Variants in USP37 observed in about 807,000 individuals in gnomAD.
USP37 encodes ubiquitin specific peptidase 37, also known as ubiquitin carboxyl-terminal hydrolase 37.
In USP37, 27 loss-of-function variants were observed where a neutral mutation model predicts 124.0. The observed-to-expected ratio is 0.22, with a 90% CI of 0.16 to 0.30. USP37 has a LOEUF of 0.30. USP37 is among the 10% of genes least tolerant of loss of function. The probability of loss-of-function intolerance (pLI) is 1.00; values close to 1 mark genes in which losing one functional copy is unlikely to be tolerated. For missense variants in USP37, 889 were observed against 1,140.4 expected (o/e 0.78, Z 3.17); for synonymous variants, 365 against 388.0 (o/e 0.94, Z 0.70).
At chr2:218,481,283 T>C (rs1254907153) in intron 17 of USP37, among the ~76,000 whole-genome samples, 1 of 152,228 alleles carries the variant, frequency 6.6e-6, no homozygotes. Flanking sequence ...GCTGATAATA[T>C]ATGCATGAAG....
At position 218,552,607 on chromosome 2, in the gene USP37, G is replaced by A. The variant is rs573407041; in HGVS notation, c.328+946C>T. ...GTCTCAAAAAAAAGAAAAAGAAAAA[G>A]AGAAAAGAAAAGAAAAGAAAAAGTG... On this transcript the variant is annotated intron_variant, in intron 5 of 25. Coordinates refer to ENST00000258399, the MANE Select transcript of USP37 (RefSeq NM_020935.3). 8.7e-5 allele frequency among the ~76,000 whole-genome samples: 13 copies of A among 150,030 alleles called. No individual in the cohort carries two copies. In the East Asian group the frequency reaches 2.6e-3, roughly 30 times the overall value.
rs1690127819 is a variant in USP37, at chr2:218,463,289, T to C, written c.2527+17A>G. 6.2e-7 allele frequency: 1 copy of C among 1,611,314 alleles called. No individual in the cohort carries two copies. Among genetic ancestry groups the C allele is most frequent in the Non-Finnish European group, 8.5e-7 (1 of 1,178,616 alleles). On this transcript the variant is annotated intron_variant, in intron 22 of 25. Transcript: ENST00000258399. ...AATTTTACCATTAAAAAAATGTAAT[T>C]AAAAAGATCTCCACACCTTGAAGAC...
chr2:218,457,531 C>T (rs536531175), intron 23 of USP37, among the ~76,000 whole-genome samples: 20 of 151,992 alleles, frequency 1.3e-4, no homozygotes, highest in African/African-American at 4.1e-4. Context: ...TTTCCAAACC[C>T]ATATGAATGC....
chr2:218,556,939 T>A (rs1574963949), intron 4 of USP37, among the ~76,000 whole-genome samples: 1 of 152,152 alleles, frequency 6.6e-6, no homozygotes, highest in Non-Finnish European at 1.5e-5. Flanking sequence ...CAGGCTGGAG[T>A]GCGGTGGCAT....
At chr2:218,510,502 A>G (rs2106003212) in intron 10 of USP37, among the ~76,000 whole-genome samples, 1 of 152,314 alleles carries the variant, frequency 6.6e-6, no homozygotes, top group East Asian at 1.9e-4. Flanking sequence ...TAACACAACA[A>G]ACATTCTTAC....
At position 218,547,110 on chromosome 2, in the gene USP37, A is replaced by C. The variant is rs553930908; in HGVS notation, c.430-19T>G. On this transcript the variant is annotated intron_variant, in intron 6 of 25. Transcript: ENST00000258399. ...CAGAAGCCTGTAAAAATAAAGTTTG[A>C]GATAGTTAAATCTTCAAATTAACTG... 4.4e-6 allele frequency: 7 copies of C among 1,578,344 alleles called. No homozygotes were observed. In the South Asian group the frequency reaches 5.9e-5, roughly 13 times the overall value.
At chr2:218,482,868 C>G (rs1252185285) in intron 16 of USP37, among the ~76,000 whole-genome samples, 2 of 152,124 alleles carry the variant, frequency 1.3e-5, no homozygotes, top group African/African-American at 2.4e-5. Flanking sequence ...ATTGTGGTAA[C>G]CTTTTCACTT....
chr2:218,480,015 G>A (rs1052040937), intron 17 of USP37, among the ~76,000 whole-genome samples: 19 of 151,766 alleles, frequency 1.3e-4, no homozygotes, highest in Non-Finnish European at 1.2e-4. Context: ...GTTTGGCGGC[G>A]GGTGCTTGTA....
intron 22 of USP37, 83 bp downstream of exon 22, chr2:218,463,222 AC>A: frequency 1.6e-6 from 1 of 624,986 alleles, no homozygotes; most frequent in Non-Finnish European, 2.7e-6. Context: ...ACACACACAC[AC>A]ACACACACTT....
chr2:218,495,972 T>TA, intron 13 of USP37, 22 bp from the exon 14 acceptor site: 1 of 1,589,990 alleles, frequency 6.3e-7, no homozygotes, highest in Non-Finnish European at 8.5e-7. Context: ...ACAATATCCT[T>TA]AATCAGATAA....
intron 14 of USP37, among the ~76,000 whole-genome samples, chr2:218,490,573 A>G (rs1482233890): frequency 6.6e-6 from 1 of 152,130 alleles, no homozygotes; most frequent in Non-Finnish European, 1.5e-5. Context: ...TTCTACCCTA[A>G]TTCCCTACTG....
chr2:218,474,776 C>T lies in USP37; in HGVS notation c.2153G>A (p.Arg718Lys). The T allele has an allele frequency of 6.2e-7, 1 of 1,614,162 alleles. No individual in the cohort carries two copies. The highest frequency in any genetic ancestry group is 8.5e-7 in the Non-Finnish European group (1 of 1,180,020). ...LLAAVLEISKRDASPSLSHED... is the reference protein window; with the variant it reads ...LLAAVLEISKKDASPSLSHED... ...ATGACTCAGAGATGGTGAAGCATCTCTCTTACTTATCTCCAAGACAGCTGC... is the reference window on the plus strand; with the variant it reads ...ATGACTCAGAGATGGTGAAGCATCTTTCTTACTTATCTCCAAGACAGCTGC... Residue 718 changes from arginine (R) to lysine (K), a missense_variant, in exon 20 of 26, where the codon AGA becomes AAA. By Grantham distance (26) the Arg-to-Lys change is conservative. Around this residue, in one of 3 missense-constraint regions of USP37, gnomAD observed 504 missense variants for 714.3 expected, o/e 0.71. Coordinates refer to ENST00000258399, the MANE Select transcript of USP37 (RefSeq NM_020935.3).
chr2:218,466,892 CCTAA>C (rs527959120), intron 20 of USP37, among the ~76,000 whole-genome samples: 95 of 152,042 alleles, frequency 6.2e-4, no homozygotes, highest in African/African-American at 1.8e-3. Flanking sequence ...CGCCATCACA[CCTAA>C]CTAATTTTTG....
At chr2:218,521,949 A>G (rs1445850214) in intron 10 of USP37, among the ~76,000 whole-genome samples, 1 of 151,830 alleles carries the variant, frequency 6.6e-6, no homozygotes, top group Non-Finnish European at 1.5e-5. Context: ...ATCACAGCAC[A>G]CTGCAGCCTC....
At chr2:218,462,229 G>A (rs1262396882) in intron 22 of USP37, among the ~76,000 whole-genome samples, 1 of 152,136 alleles carries the variant, frequency 6.6e-6, no homozygotes, top group South Asian at 2.1e-4. Flanking sequence ...CAGCTACTCA[G>A]GAGGCTGAGG....
At chr2:218,510,279 G>A (rs1375007581) in intron 10 of USP37, 139 bp from the exon 11 acceptor site, 3 of 889,530 alleles carry the variant, frequency 3.4e-6, no homozygotes, top group Non-Finnish European at 4.9e-6. Context: ...GATCACTTAA[G>A]GGAAAACTCT....
At chr2:218,483,676 A>C (rs1691385364) in intron 16 of USP37, among the ~76,000 whole-genome samples, 1 of 152,048 alleles carries the variant, frequency 6.6e-6, no homozygotes, top group Non-Finnish European at 1.5e-5. Flanking sequence ...TTGAAAAACC[A>C]AATAGCAAGA....
At chr2:218,469,337 C>A (rs368686659) in intron 20 of USP37, among the ~76,000 whole-genome samples, 19 of 152,226 alleles carry the variant, frequency 1.2e-4, no homozygotes, top group South Asian at 1.2e-3. Context: ...CCTACCTACG[C>A]CTGCTGAACT....
At chr2:218,490,531 T>C (rs987681758) in intron 14 of USP37, among the ~76,000 whole-genome samples, 4 of 152,228 alleles carry the variant, frequency 2.6e-5, no homozygotes, top group Middle Eastern at 3.2e-3. Context: ...TTTTTCATTT[T>C]GTCTTATCAG....
Sources: gnomAD v4.1 joint callset for allele counts (sites outside exome capture counted in the v4.1 genomes callset) on GRCh38, gnomAD v4.1.1 for gene constraint, gnomAD v4.1.1 regional missense constraint, MANE v1.5 for transcripts, NCBI Gene and HGNC (gene_info 2026-07-23, HGNC 2026-07-21) for gene names.